The following CHMP3 variants were observed in gnomAD, a reference collection of about 807,000 sequenced individuals.
CHMP3 encodes charged multivesicular body protein 3, also known as 25.1 protein.
A neutral mutation model predicts 27.4 loss-of-function variants in CHMP3; 8 were observed. The ratio of observed to expected loss-of-function variants is 0.29; its 90% CI spans 0.17 to 0.53. The LOEUF (loss-of-function observed/expected upper bound fraction) is 0.53, where lower values mean the gene tolerates loss of function less well. Among genes scored for constraint, CHMP3 ranks in the 20% least tolerant of loss-of-function variants. CHMP3 has a pLI of 0.96. For synonymous variants in CHMP3, 86 were observed against 85.5 expected, an observed-to-expected ratio of 1.01 and a Z score of -0.03; for missense variants, 208 against 271.5, an observed-to-expected ratio of 0.77 and a Z score of 1.64.
chr2:86,533,760 C>T (rs1360450913), intron 2 of CHMP3, among the ~76,000 whole-genome samples: 1 of 68,078 alleles, frequency 1.5e-5, no homozygotes, highest in East Asian at 4.5e-4. Flanking sequence ...CCGCCTTGGC[C>T]TCCCAAAGTG....
At chr2:86,563,162 C>A (rs1558666841) in intron 1 of CHMP3, 142 bp downstream of exon 1, 3 of 967,618 alleles carry the variant, frequency 3.1e-6, no homozygotes, top group Non-Finnish European at 4.7e-6. Context: ...TTCCTCCGGC[C>A]CCCCTGTCGA....
At chr2:86,549,748 G>A (rs1357892797) in intron 1 of CHMP3, among the ~76,000 whole-genome samples, 2 of 143,286 alleles carry the variant, frequency 1.4e-5, no homozygotes, top group Non-Finnish European at 3.0e-5. Flanking sequence ...TTCGCAGACG[G>A]GGCGGCCAGG....
At chr2:86,516,257 G>A (rs571567250) in intron 3 of CHMP3, among the ~76,000 whole-genome samples, 2 of 151,806 alleles carry the variant, frequency 1.3e-5, no homozygotes, top group Admixed American at 1.3e-4. Flanking sequence ...TCCACATACT[G>A]GTGACAAAAA....
intron 2 of CHMP3, among the ~76,000 whole-genome samples, chr2:86,536,030 C>T (rs1043701837): frequency 7.8e-6 from 1 of 128,336 alleles, no homozygotes; most frequent in Non-Finnish European, 1.6e-5. Flanking sequence ...GAGTCTCGCT[C>T]TGTCGCCCAG....
At chr2:86,549,389 A>G (rs1426676846) in intron 1 of CHMP3, among the ~76,000 whole-genome samples, 1 of 136,578 alleles carries the variant, frequency 7.3e-6, no homozygotes, top group Admixed American at 7.4e-5. Context: ...GGCTGGGCAG[A>G]GGCACTCCTC....
At position 86,529,357 on chromosome 2, in the gene CHMP3, T is replaced by G. The variant is rs1339697638; in HGVS notation, c.147A>C (p.Lys49Asn). 6.2e-7 allele frequency: 1 copy of G among 1,604,852 alleles called. No individual in the cohort carries two copies. Among genetic ancestry groups the G allele is most frequent in the Non-Finnish European group, 8.5e-7 (1 of 1,177,256 alleles). Reference sequence around the variant, plus strand: ...CCTTCTGGCCCTTCTTGGCAGCATCTTTCACAGATCGTTTCACTTTTTCTT... The same window carrying G: ...CCTTCTGGCCCTTCTTGGCAGCATCGTTCACAGATCGTTTCACTTTTTCTT... ...REEEKVKRSV[K>N]DAAKKGQKDV... The change falls in exon 3 of 6, where the codon AAA becomes AAC. Residue 49 changes from lysine (K) to asparagine (N), a missense_variant. Physicochemically the swap from Lys to Asn is moderately conservative, Grantham distance 94 (BLOSUM62 0). Coordinates refer to ENST00000263856, the MANE Select transcript of CHMP3 (RefSeq NM_016079.4).
At chr2:86,550,242 G>A (rs551619612) in intron 1 of CHMP3, among the ~76,000 whole-genome samples, 85 of 152,344 alleles carry the variant, frequency 5.6e-4, no homozygotes, top group South Asian at 1.2e-3. Context: ...CAGGCGTGGC[G>A]GCGCACGCCC....
At chr2:86,539,928 T>C (rs1470030940) in intron 2 of CHMP3, among the ~76,000 whole-genome samples, 1 of 152,114 alleles carries the variant, frequency 6.6e-6, no homozygotes, top group Non-Finnish European at 1.5e-5. Context: ...TTTGAAAATA[T>C]CTTTATTTCA....
At chr2:86,548,140 G>C (rs1676684531) in intron 1 of CHMP3, among the ~76,000 whole-genome samples, 1 of 151,382 alleles carries the variant, frequency 6.6e-6, no homozygotes, top group Admixed American at 6.6e-5. Flanking sequence ...GACAGTATAG[G>C]AGAATACATT....
At chr2:86,552,373 C>A (rs1471328831) in intron 1 of CHMP3, among the ~76,000 whole-genome samples, 2 of 152,236 alleles carry the variant, frequency 1.3e-5, no homozygotes, top group African/African-American at 2.4e-5. Flanking sequence ...AACCAAATAG[C>A]CCCAGCTAAT....
chr2:86,538,539 G>A (rs1375920627), intron 2 of CHMP3, among the ~76,000 whole-genome samples: 2 of 152,152 alleles, frequency 1.3e-5, no homozygotes, highest in Non-Finnish European at 2.9e-5. Context: ...GGAAAAGGAT[G>A]ATCACCAAAG....
chr2:86,519,057 G>A (rs1255528786), intron 3 of CHMP3, among the ~76,000 whole-genome samples: 1 of 152,074 alleles, frequency 6.6e-6, no homozygotes, highest in East Asian at 1.9e-4. Context: ...ATCTCCATGT[G>A]GCTGTTTCTT....
At chr2:86,525,588 A>G (rs1405075704) in intron 3 of CHMP3, among the ~76,000 whole-genome samples, 1 of 151,864 alleles carries the variant, frequency 6.6e-6, no homozygotes, top group East Asian at 1.9e-4. Flanking sequence ...TTCCCTCGGC[A>G]AGGACATTTA....
rs75106028 is a variant in CHMP3, at chr2:86,551,281, T to A, written c.46-8969A>T. Among the ~76,000 whole-genome samples, 12 of 20,242 alleles carry A rather than the reference T, an allele frequency of 5.9e-4. No individual in the cohort carries two copies. In the East Asian group the frequency reaches 0.029, roughly 49 times the overall value. The allele number at this position is 20,242 out of a possible 152,430, so 13.3% of individuals were successfully genotyped here. On this transcript the variant is annotated intron_variant, in intron 1 of 5. Coordinates refer to ENST00000263856, the MANE Select transcript of CHMP3 (RefSeq NM_016079.4). ...TGAATATCTGCTTATGAACTCCAAT[T>A]TTTTTTTTTTTTTTGAGATGGAGTC...
intron 2 of CHMP3, among the ~76,000 whole-genome samples, chr2:86,531,123 T>C (rs1445900826): frequency 6.6e-6 from 1 of 152,076 alleles, no homozygotes; most frequent in African/African-American, 2.4e-5. Flanking sequence ...ATTCTATGAG[T>C]TGCCTTTTCC....
At chr2:86,518,343 T>A (rs1297587327) in intron 3 of CHMP3, among the ~76,000 whole-genome samples, 2 of 152,054 alleles carry the variant, frequency 1.3e-5, no homozygotes, top group Admixed American at 1.3e-4. Flanking sequence ...AAGGAGATAG[T>A]ACAAACATTC....
intron 1 of CHMP3, among the ~76,000 whole-genome samples, chr2:86,546,369 G>A (rs1399990572): frequency 5.5e-5 from 2 of 36,334 alleles, no homozygotes; most frequent in Non-Finnish European, 1.3e-4. Flanking sequence ...GAAGGGAGGG[G>A]AAGGGGGGGA....
chr2:86,541,927 TAC>T (rs1309243892), intron 2 of CHMP3, among the ~76,000 whole-genome samples: 2 of 152,200 alleles, frequency 1.3e-5, no homozygotes, highest in Non-Finnish European at 2.9e-5. Flanking sequence ...GTCCTCAATT[TAC>T]AGTCATGCTA....
chr2:86,504,442 C>T lies in CHMP3; in HGVS notation c.*1362G>A, dbSNP rs1158596891. On this transcript the variant is annotated 3_prime_UTR_variant, in exon 6 of 6. Coordinates refer to ENST00000263856, the MANE Select transcript of CHMP3 (RefSeq NM_016079.4). ...ATAATTATTTAAAATAATTTTTTAA[C>T]TACACTCTGAAGATGAAATCAAGAG... 6.7e-6 allele frequency: 1 copy of T among 150,144 alleles called. No homozygotes were observed. Among genetic ancestry groups the T allele is most frequent in the Non-Finnish European group, 1.5e-5 (1 of 67,690 alleles). 9.3% of individuals were successfully genotyped at this position (150,144 alleles called of 1,614,324 possible). A position where few individuals can be genotyped will look rare whatever the true frequency, so the allele number is the denominator to read the frequency against.
Sources: allele counts gnomAD v4.1 joint callset (sites outside exome capture counted in the v4.1 genomes callset), GRCh38; gene constraint gnomAD v4.1.1; transcripts MANE v1.5; gene names NCBI Gene and HGNC (gene_info 2026-07-23, HGNC 2026-07-21).